ASTN2: variants seen among roughly 807,000 people sequenced by gnomAD.
The protein encoded by ASTN2 is astrotactin-2.
A neutral mutation model predicts 139.8 loss-of-function variants in ASTN2; 54 were observed. The ratio of observed to expected loss-of-function variants is 0.39; its 90% CI spans 0.31 to 0.48. The LOEUF (loss-of-function observed/expected upper bound fraction) is 0.48, where lower values mean the gene tolerates loss of function less well. ASTN2 is among the 20% of genes least tolerant of loss of function. The pLI is 0.95. For missense variants in ASTN2, 1,565 were observed against 1,725.1 expected (o/e 0.91, Z 1.64); for synonymous variants, 756 against 719.5 (o/e 1.05, Z -0.81).
At chr9:117,240,584 C>T (rs147611805) in intron 2 of ASTN2, among the ~76,000 whole-genome samples, 1,579 of 152,234 alleles carry the variant, frequency 0.01, 28 homozygotes, top group African/African-American at 0.036. Flanking sequence ...AGACACCAGA[C>T]GGTGAGAATA....
chr9:116,816,161 G>A (rs1318095296), intron 12 of ASTN2, among the ~76,000 whole-genome samples: 1 of 151,974 alleles, frequency 6.6e-6, no homozygotes, highest in East Asian at 1.9e-4. Context: ...AAAATATATT[G>A]TCTTTATGTG....
chr9:116,509,126 T>C (rs1192972310), intron 19 of ASTN2, among the ~76,000 whole-genome samples: 2 of 152,212 alleles, frequency 1.3e-5, no homozygotes, highest in Admixed American at 1.3e-4. Flanking sequence ...GTCATTTACA[T>C]TAGGTATATC....
At chr9:116,476,346 A>C (rs2119034710) in intron 20 of ASTN2, among the ~76,000 whole-genome samples, 1 of 152,258 alleles carries the variant, frequency 6.6e-6, no homozygotes, top group African/African-American at 2.4e-5. Flanking sequence ...GCCCCATCCC[A>C]AGGTTTCAGG....
At chr9:116,846,287 A>T (rs1277280996) in intron 11 of ASTN2, among the ~76,000 whole-genome samples, 1 of 152,174 alleles carries the variant, frequency 6.6e-6, no homozygotes, top group Non-Finnish European at 1.5e-5. Context: ...AACAATGTGA[A>T]TTTGCATCAC....
chr9:116,446,278 G>T lies in ASTN2; in HGVS notation c.3498-3725C>A, dbSNP rs868520160. Among the ~76,000 whole-genome samples the T allele has an allele frequency of 1.3e-4, 16 of 126,588 alleles. No homozygotes were observed. The East Asian group carries it at 2.1e-3, about 17-fold the overall frequency. The allele number at this position is 126,588 out of a possible 152,430, so 83.0% of individuals were successfully genotyped here. On this transcript the variant is annotated intron_variant, in intron 20 of 22. Coordinates refer to ENST00000313400, the MANE Select transcript of ASTN2 (RefSeq NM_001365068.1). Reference sequence around the variant, plus strand: ...AGGGAGAGAGAGAGAGAGATAGAGAGAGAGAGAGAGAGAGAGAGAGAGAGA... The same window carrying T: ...AGGGAGAGAGAGAGAGAGATAGAGATAGAGAGAGAGAGAGAGAGAGAGAGA...
At chr9:117,187,013 C>A (rs546934329) in intron 3 of ASTN2, among the ~76,000 whole-genome samples, 9 of 152,256 alleles carry the variant, frequency 5.9e-5, no homozygotes, top group African/African-American at 1.9e-4. Context: ...CCTGTAATCC[C>A]AGCTACTCAG....
At chr9:116,881,297 A>G (rs1833444752) in intron 10 of ASTN2, among the ~76,000 whole-genome samples, 1 of 152,250 alleles carries the variant, frequency 6.6e-6, no homozygotes, top group South Asian at 2.1e-4. Context: ...TTGCAGATAA[A>G]GAAACTGAGT....
chr9:117,108,425 C>T (rs966163898), intron 4 of ASTN2, among the ~76,000 whole-genome samples: 1 of 93,612 alleles, frequency 1.1e-5, no homozygotes, highest in African/African-American at 3.4e-5. Flanking sequence ...TGGAAAAAAA[C>T]AAAACAAAAC....
In ASTN2 at chr9:117,331,165, A is replaced by G. The variant is rs1828694659; in HGVS notation, c.443-39652T>C. Among the ~76,000 whole-genome samples the G allele has an allele frequency of 5.3e-5, 8 of 152,276 alleles. 1 individual carries two copies. In the South Asian group the frequency reaches 1.7e-3, roughly 32 times the overall value. ...CCCAATCACAGAAGTCATATGTCCT[A>G]TGTCTTCTGTAAGTTGGAGGCAGAG... is the stretch of plus-strand genomic sequence containing the variant. On this transcript the variant is annotated intron_variant, in intron 1 of 22. Transcript: ENST00000313400.
intron 5 of ASTN2, among the ~76,000 whole-genome samples, chr9:117,081,362 T>A (rs1349571258): frequency 6.6e-6 from 1 of 152,106 alleles, no homozygotes; most frequent in Non-Finnish European, 1.5e-5. Context: ...AAACATACCC[T>A]CAGCCCCTTC....
At chr9:116,809,487 GT>G (rs1831110394) in intron 12 of ASTN2, among the ~76,000 whole-genome samples, 1 of 151,976 alleles carries the variant, frequency 6.6e-6, no homozygotes, top group Non-Finnish European at 1.5e-5. Flanking sequence ...TTTATAGCCT[GT>G]TTTGGATATA....
intron 17 of ASTN2, among the ~76,000 whole-genome samples, chr9:116,621,971 T>C (rs1040804409): frequency 6.6e-6 from 1 of 152,218 alleles, no homozygotes; most frequent in East Asian, 1.9e-4. Context: ...CTTTAAAACA[T>C]GAGGATTTCA....
intron 2 of ASTN2, among the ~76,000 whole-genome samples, chr9:117,289,563 G>A (rs1453545326): frequency 2.0e-5 from 3 of 152,188 alleles, no homozygotes; most frequent in Non-Finnish European, 2.9e-5. Flanking sequence ...GCAAGTAAAT[G>A]TGCTGAAACA....
At chr9:117,117,163 G>T (rs1325703315) in intron 4 of ASTN2, among the ~76,000 whole-genome samples, 1 of 152,062 alleles carries the variant, frequency 6.6e-6, no homozygotes, top group Admixed American at 6.6e-5. Context: ...TTGGGATGGG[G>T]TACCTCAGTT....
intron 16 of ASTN2, among the ~76,000 whole-genome samples, chr9:116,714,694 A>T (rs1828265061): frequency 6.6e-6 from 1 of 152,212 alleles, no homozygotes; most frequent in Non-Finnish European, 1.5e-5. Flanking sequence ...GTTGAAACTT[A>T]CACCTGTCGG....
At chr9:117,409,433 T>A (rs1007063040) in intron 1 of ASTN2, among the ~76,000 whole-genome samples, 2 of 152,216 alleles carry the variant, frequency 1.3e-5, no homozygotes, top group Admixed American at 1.3e-4. Context: ...ATTCTTCGAA[T>A]GTCTGCCAAA....
intron 1 of ASTN2, among the ~76,000 whole-genome samples, chr9:117,345,304 T>C (rs1463974031): frequency 6.6e-6 from 1 of 151,992 alleles, no homozygotes; most frequent in Non-Finnish European, 1.5e-5. Context: ...CAGTAGAAAA[T>C]AAAGAGTTAA....
At chr9:116,764,170 C>G (rs774588864) in intron 13 of ASTN2, among the ~76,000 whole-genome samples, 7 of 152,196 alleles carry the variant, frequency 4.6e-5, no homozygotes, top group Admixed American at 2.6e-4. Flanking sequence ...GCCAGGTTCC[C>G]TTCAAGCGGG....
chr9:116,835,409 C>G (rs1322685077), intron 11 of ASTN2, among the ~76,000 whole-genome samples: 1 of 152,178 alleles, frequency 6.6e-6, no homozygotes, highest in East Asian at 1.9e-4. Flanking sequence ...AATTTTGCAT[C>G]TGTAAAGAAT....
Sources: gnomAD v4.1 joint callset for allele counts (sites outside exome capture counted in the v4.1 genomes callset) on GRCh38, gnomAD v4.1.1 for gene constraint, MANE v1.5 for transcripts, NCBI Gene and HGNC (gene_info 2026-07-23, HGNC 2026-07-21) for gene names.